The following GABRA1 variants were observed in gnomAD, a reference collection of about 807,000 sequenced individuals.
The protein encoded by GABRA1 is gamma-aminobutyric acid receptor subunit alpha-1.
Under a neutral mutation model 48.9 loss-of-function variants are expected in GABRA1, and 9 were observed. The observed-to-expected ratio is 0.18, with a 90% CI of 0.11 to 0.32. The LOEUF (loss-of-function observed/expected upper bound fraction) is 0.32. Among genes scored for constraint, GABRA1 ranks in the 10% least tolerant of loss-of-function variants. The probability of loss-of-function intolerance (pLI) is 1.00; values close to 1 mark genes in which losing one functional copy is unlikely to be tolerated. For missense variants in GABRA1, 285 were observed against 553.8 expected (o/e 0.51, Z 4.87); for synonymous variants, 210 against 198.7 (o/e 1.06, Z -0.48).
At chr5:161,865,646 G>A (rs983669389) in intron 3 of GABRA1, 75 bp from the exon 4 acceptor site, 9 of 1,124,358 alleles carry the variant, frequency 8.0e-6, no homozygotes, top group African/African-American at 7.7e-5. Context: ...TCCCATTTGG[G>A]TGTCAGTATG....
intron 3 of GABRA1, among the ~76,000 whole-genome samples, chr5:161,861,275 T>C (rs1384331594): frequency 2.0e-5 from 3 of 151,820 alleles, no homozygotes; most frequent in African/African-American, 7.2e-5. Flanking sequence ...CGTAAATGCA[T>C]ACACCTACTA....
chr5:161,899,778 G>C lies in GABRA1; in HGVS notation c.*2356G>C, dbSNP rs1755534306. The C allele has an allele frequency of 6.6e-6, 1 of 152,136 alleles. No homozygotes were observed. Among genetic ancestry groups the C allele is most frequent in the Non-Finnish European group, 1.5e-5 (1 of 67,998 alleles). The allele number at this position is 152,136 out of a possible 1,614,324, so 9.4% of individuals were successfully genotyped here. On this transcript the variant is annotated 3_prime_UTR_variant, in exon 10 of 10. Coordinates refer to ENST00000393943, the MANE Select transcript of GABRA1 (RefSeq NM_001127644.2). ...TCACTCCCAGGAAACTTTTTTAAAA[G>C]ATGACACTGAATGTTTATTGCACTT...
intron 7 of GABRA1, among the ~76,000 whole-genome samples, chr5:161,890,530 C>T (rs1405624871): frequency 6.6e-6 from 1 of 152,052 alleles, no homozygotes; most frequent in African/African-American, 2.4e-5. Context: ...GAGATCTGAT[C>T]TGTTTCTGAC....
intron 9 of GABRA1, among the ~76,000 whole-genome samples, chr5:161,896,283 G>A (rs1348783205): frequency 6.6e-6 from 1 of 152,134 alleles, no homozygotes. Context: ...GGTCATAAAT[G>A]TATAACCATA....
At chr5:161,866,518 A>G (rs866560243) in intron 4 of GABRA1, among the ~76,000 whole-genome samples, 1 of 152,138 alleles carries the variant, frequency 6.6e-6, no homozygotes, top group Non-Finnish European at 1.5e-5. Context: ...TTTCAAAGAT[A>G]CATTAATTGA....
At chr5:161,877,555 T>C (rs555885180) in intron 6 of GABRA1, among the ~76,000 whole-genome samples, 2 of 152,132 alleles carry the variant, frequency 1.3e-5, no homozygotes, top group South Asian at 2.1e-4. Context: ...ATGAAAGGAG[T>C]AATGCCTATA....
intron 9 of GABRA1, 41 bp from the exon 10 acceptor site, chr5:161,897,070 A>G: frequency 6.3e-7 from 1 of 1,598,148 alleles, no homozygotes; most frequent in Non-Finnish European, 8.6e-7. Flanking sequence ...TTTGCTTCTC[A>G]CTGTTTACTA....
At chr5:161,860,775 C>G (rs1010485514) in intron 3 of GABRA1, among the ~76,000 whole-genome samples, 14 of 151,586 alleles carry the variant, frequency 9.2e-5, no homozygotes, top group Non-Finnish European at 1.3e-4. Flanking sequence ...TATTAGGTAT[C>G]CACAAAAAAT....
chr5:161,875,749 A>G, intron 6 of GABRA1, 107 bp downstream of exon 6: 4 of 815,180 alleles, frequency 4.9e-6, no homozygotes, highest in East Asian at 5.0e-5. Flanking sequence ...GAAAATTTAA[A>G]CAGCAATATA....
intron 6 of GABRA1, among the ~76,000 whole-genome samples, chr5:161,880,748 C>T (rs181033356): frequency 6.6e-6 from 1 of 152,258 alleles, no homozygotes; most frequent in South Asian, 2.1e-4. Flanking sequence ...GAAAAGTAAT[C>T]ACATTAGAAG....
At chr5:161,893,656 G>A (rs1714130326) in intron 8 of GABRA1, among the ~76,000 whole-genome samples, 1 of 152,116 alleles carries the variant, frequency 6.6e-6, no homozygotes, top group Admixed American at 6.5e-5. Flanking sequence ...GAGGCAGTGT[G>A]GTCACTTAAT....
chr5:161,874,413 C>G (rs138918777), intron 5 of GABRA1, among the ~76,000 whole-genome samples: 5 of 151,816 alleles, frequency 3.3e-5, no homozygotes, highest in African/African-American at 9.7e-5. Context: ...ATTATCTAAG[C>G]AGGACCTATT....
intron 6 of GABRA1, 25 bp from the exon 7 acceptor site, chr5:161,882,533 A>G (rs1754660443): frequency 6.2e-7 from 1 of 1,608,308 alleles, no homozygotes; most frequent in Non-Finnish European, 8.5e-7. Context: ...AAATATATGG[A>G]TCATTTTCTA....
In GABRA1 at chr5:161,851,814, T is replaced by C. The variant is rs182685901; in HGVS notation, c.74+930T>C. 8.5e-5 allele frequency among the ~76,000 whole-genome samples: 13 copies of C among 152,308 alleles called. No individual in the cohort carries two copies. In the East Asian group the frequency reaches 1.9e-3, roughly 23 times the overall value. ...AAACACTGACAGACAGGCATTATTA[T>C]CAGATATCCTTAATGAGAGAAGTTA... is the stretch of plus-strand genomic sequence containing the variant. On this transcript the variant is annotated intron_variant, in intron 2 of 9. Coordinates refer to ENST00000393943, the MANE Select transcript of GABRA1 (RefSeq NM_001127644.2).
intron 4 of GABRA1, 92 bp from the exon 5 acceptor site, chr5:161,873,025 A>G (rs1754191064): frequency 1.7e-5 from 16 of 964,078 alleles, no homozygotes; most frequent in Non-Finnish European, 2.7e-5. Flanking sequence ...TTATACTTCC[A>G]AAGTTGCAAA....
At chr5:161,890,515 C>T (rs1755041121) in intron 7 of GABRA1, among the ~76,000 whole-genome samples, 1 of 152,044 alleles carries the variant, frequency 6.6e-6, no homozygotes, top group East Asian at 1.9e-4. Flanking sequence ...GTAATGGACA[C>T]ACTGGAGATC....
At position 161,879,021 on chromosome 5, in the gene GABRA1, C is replaced by T. The variant is rs1013173717; in HGVS notation, c.559+3379C>T. Among the ~76,000 whole-genome samples, 26 of 152,198 alleles carry T rather than the reference C, an allele frequency of 1.7e-4. 1 individual carries two copies. The highest frequency in any genetic ancestry group is 6.5e-4 in the Admixed American group (10 of 15,276). ...AATGATAGTGTCAATTAGCAACTCT[C>T]CTGATACTAAGTAATATATGTTCCC... On this transcript the variant is annotated intron_variant, in intron 6 of 9. Transcript: ENST00000393943.
chr5:161,854,424 G>A (rs1305833994), intron 3 of GABRA1, among the ~76,000 whole-genome samples, 154 bp downstream of exon 3: 1 of 151,674 alleles, frequency 6.6e-6, no homozygotes, highest in African/African-American at 2.4e-5. Context: ...GTTAATTCAA[G>A]TTACTCTGTA....
At chr5:161,865,932 G>A (rs761636068) in intron 4 of GABRA1, 144 bp downstream of exon 4, 42 of 645,008 alleles carry the variant, frequency 6.5e-5, no homozygotes, top group Non-Finnish European at 1.1e-4. Flanking sequence ...TATGTAATAT[G>A]TAATATAATA....
Sources: allele counts gnomAD v4.1 joint callset (sites outside exome capture counted in the v4.1 genomes callset), GRCh38; gene constraint gnomAD v4.1.1; transcripts MANE v1.5; gene names NCBI Gene and HGNC (gene_info 2026-07-23, HGNC 2026-07-21).